Variants in CAST observed in about 807,000 individuals in gnomAD.
CAST encodes calpastatin.
CAST carries 76 observed loss-of-function variants against 119.6 expected under a neutral mutation model. The ratio of observed to expected loss-of-function variants is 0.64; its 90% CI spans 0.53 to 0.77. The LOEUF (loss-of-function observed/expected upper bound fraction) is 0.77, where lower values mean the gene tolerates loss of function less well. Among genes scored for constraint, CAST ranks in the 30% least tolerant of loss-of-function variants. CAST has a pLI of 0.00. For missense variants in CAST, 953 were observed against 946.5 expected (o/e 1.01, Z -0.09); for synonymous variants, 319 against 331.6 (o/e 0.96, Z 0.41).
At chr5:96,091,381 T>G in the CAST span, among the ~76,000 whole-genome samples, 2 of 151,838 alleles carry the variant, frequency 1.3e-5, no homozygotes, top group African/African-American at 4.8e-5. Flanking sequence ...TTTTTTGTAT[T>G]TTTAGTGGAG....
chr5:96,771,817 T>C, intron 31 of CAST, 115 bp downstream of exon 31: 2 of 627,356 alleles, frequency 3.2e-6, no homozygotes, highest in East Asian at 2.8e-5. Flanking sequence ...CTTTACAGTA[T>C]TGGCATGAAA....
chr5:96,697,253 C>G (rs1053537058), intron 3 of CAST, among the ~76,000 whole-genome samples: 19 of 152,076 alleles, frequency 1.2e-4, no homozygotes, highest in African/African-American at 4.6e-4. Context: ...AAACCTCAAC[C>G]TATGTTTCAG....
the CAST span, among the ~76,000 whole-genome samples, chr5:96,387,512 A>G: frequency 1.3e-5 from 2 of 151,340 alleles, no homozygotes; most frequent in African/African-American, 4.9e-5. Flanking sequence ...AGAGAATTTG[A>G]AACAGCCCAT....
At chr5:96,717,748 G>A (rs1052097444) in intron 3 of CAST, among the ~76,000 whole-genome samples, 1 of 152,186 alleles carries the variant, frequency 6.6e-6, no homozygotes, top group Admixed American at 6.5e-5. Flanking sequence ...TTCATGGTTA[G>A]AGGGGAGACT....
the CAST span, among the ~76,000 whole-genome samples, chr5:96,328,570 C>T: frequency 6.6e-6 from 1 of 152,088 alleles, no homozygotes; most frequent in African/African-American, 2.4e-5. Context: ...ATTGACAAAC[C>T]ATCAGTCTTT....
At chr5:96,523,048 G>A (rs1252712405), upstream of CAST, among the ~76,000 whole-genome samples, 1 of 152,260 alleles carries the variant, frequency 6.6e-6, no homozygotes, top group African/African-American at 2.4e-5. Context: ...TGCTGAAGAG[G>A]AATGACTTTT....
the CAST span, among the ~76,000 whole-genome samples, chr5:96,499,749 A>G: frequency 6.6e-6 from 1 of 152,188 alleles, no homozygotes; most frequent in African/African-American, 2.4e-5. Flanking sequence ...TTTATCAACT[A>G]CATTTCTGTA....
the CAST span, among the ~76,000 whole-genome samples, chr5:96,004,305 A>G: frequency 6.6e-6 from 1 of 152,246 alleles, no homozygotes; most frequent in African/African-American, 2.4e-5. Context: ...AATTTTAGCA[A>G]GAGCATATCT....
chr5:96,422,396 C>T, the CAST span, among the ~76,000 whole-genome samples: 18 of 152,142 alleles, frequency 1.2e-4, no homozygotes, highest in Admixed American at 2.6e-4. Context: ...GGGTGGGACT[C>T]AGGTCCATGG....
the CAST span, among the ~76,000 whole-genome samples, chr5:96,474,246 C>T: frequency 5.9e-5 from 9 of 152,162 alleles, no homozygotes; most frequent in South Asian, 4.2e-4. Flanking sequence ...AGAACTGAGA[C>T]GATGAGGCTG....
chr5:96,218,876 A>G, the CAST span, among the ~76,000 whole-genome samples: 1 of 152,188 alleles, frequency 6.6e-6, no homozygotes, highest in Non-Finnish European at 1.5e-5. Flanking sequence ...GGAAGTTTAG[A>G]GTCAGGCAGC....
chr5:96,357,393 C>A, the CAST span, among the ~76,000 whole-genome samples: 1 of 152,184 alleles, frequency 6.6e-6, no homozygotes, highest in East Asian at 1.9e-4. Flanking sequence ...TGGCAAAGGG[C>A]ATCCTTGTCT....
At chr5:96,604,156 G>A (rs567964007) in intron 1 of CAST, among the ~76,000 whole-genome samples, 5 of 152,162 alleles carry the variant, frequency 3.3e-5, no homozygotes, top group African/African-American at 7.2e-5. Flanking sequence ...TCATGGCTAC[G>A]ATATGGCTAA....
the CAST span, among the ~76,000 whole-genome samples, chr5:96,169,732 T>G: frequency 6.6e-6 from 1 of 151,896 alleles, no homozygotes; most frequent in African/African-American, 2.4e-5. Flanking sequence ...ATATTTGTGG[T>G]TTAAGTTGGG....
At chr5:96,452,955 TC>T in the CAST span, among the ~76,000 whole-genome samples, 1 of 6,060 alleles carries the variant, frequency 1.7e-4, no homozygotes, top group Non-Finnish European at 3.1e-4. Flanking sequence ...AGACTCCGTC[TC>T]AAAAAAAAAA....
At chr5:96,149,918 A>G in the CAST span, among the ~76,000 whole-genome samples, 1 of 152,248 alleles carries the variant, frequency 6.6e-6, no homozygotes, top group African/African-American at 2.4e-5. Flanking sequence ...TCAAGATCAG[A>G]TATTTTATTG....
the CAST span, among the ~76,000 whole-genome samples, chr5:96,146,054 A>G: frequency 1.3e-5 from 2 of 152,208 alleles, no homozygotes; most frequent in Admixed American, 1.3e-4. Flanking sequence ...GCCACATTCC[A>G]ATGGCCAAAG....
the CAST span, among the ~76,000 whole-genome samples, chr5:96,119,130 A>T: frequency 2.0e-5 from 3 of 152,106 alleles, no homozygotes; most frequent in Non-Finnish European, 4.4e-5. Flanking sequence ...CCATGAGGGG[A>T]AAAAAGGATT....
chr5:96,385,231 A>T, the CAST span, among the ~76,000 whole-genome samples: 1 of 152,216 alleles, frequency 6.6e-6, no homozygotes, highest in Non-Finnish European at 1.5e-5. Flanking sequence ...GGTTCCTTTC[A>T]AAATAGGTCA....
Sources: allele counts gnomAD v4.1 joint callset (sites outside exome capture counted in the v4.1 genomes callset), GRCh38; gene constraint gnomAD v4.1.1; transcripts MANE v1.5; gene names NCBI Gene and HGNC (gene_info 2026-07-23, HGNC 2026-07-21).